Variants in MYOM1 observed in about 807,000 individuals in gnomAD.
The protein encoded by MYOM1 is myomesin-1.
In MYOM1, 164 loss-of-function variants were observed where a neutral mutation model predicts 205.3. The ratio of observed to expected loss-of-function variants is 0.80; its 90% CI spans 0.70 to 0.91. The LOEUF is 0.91. MYOM1 is among the 40% of genes least tolerant of loss of function. The pLI is 0.00. For synonymous variants in MYOM1, 772 were observed against 789.4 expected, an observed-to-expected ratio of 0.98 and a Z score of 0.37; for missense variants, 2,011 against 2,127.3, an observed-to-expected ratio of 0.95 and a Z score of 1.08.
chr18:3,123,560 A>T (rs1426758419), intron 19 of MYOM1, among the ~76,000 whole-genome samples: 9 of 152,044 alleles, frequency 5.9e-5, no homozygotes, highest in Non-Finnish European at 1.3e-4. Flanking sequence ...ATTATTCCTT[A>T]ATTTTTTTAC....
chr18:3,211,528 A>C (rs550497240), intron 2 of MYOM1, among the ~76,000 whole-genome samples: 5 of 152,374 alleles, frequency 3.3e-5, no homozygotes, highest in African/African-American at 9.6e-5. Context: ...TAATGGTTGC[A>C]ACATGGTCAT....
At chr18:3,236,479 T>C in the MYOM1 span, 1 of 152,102 alleles carries the variant, frequency 6.6e-6, no homozygotes, top group East Asian at 1.9e-4. Flanking sequence ...AGACAGAAAA[T>C]CCTACCAGAA....
the MYOM1 span, among the ~76,000 whole-genome samples, chr18:3,238,652 T>C: frequency 3.2e-4 from 48 of 152,178 alleles, no homozygotes; most frequent in Admixed American, 2.0e-4. Context: ...ACAAATTTAG[T>C]GGCTTAAAAC....
At chr18:3,238,195 A>C in the MYOM1 span, among the ~76,000 whole-genome samples, 3 of 152,218 alleles carry the variant, frequency 2.0e-5, no homozygotes, top group Non-Finnish European at 4.4e-5. Context: ...ATCAGGCATT[A>C]GATTCTCAAA....
At chr18:3,089,803 T>C (rs1179894818) in intron 27 of MYOM1, among the ~76,000 whole-genome samples, 1 of 152,170 alleles carries the variant, frequency 6.6e-6, no homozygotes. Flanking sequence ...AACAGTGACA[T>C]AATATTGGAT....
intron 3 of MYOM1, among the ~76,000 whole-genome samples, chr18:3,192,459 A>T (rs2080924528): frequency 6.6e-6 from 1 of 152,246 alleles, no homozygotes; most frequent in Non-Finnish European, 1.5e-5. Context: ...CTCTGACACA[A>T]GTCAGAAAGG....
chr18:3,241,093 A>T, the MYOM1 span, among the ~76,000 whole-genome samples: 1 of 152,178 alleles, frequency 6.6e-6, no homozygotes, highest in South Asian at 2.1e-4. Context: ...AAGTCTGGAA[A>T]ATTTGCAGCC....
chr18:3,195,406 TG>T (rs2080981573), intron 2 of MYOM1, among the ~76,000 whole-genome samples: 1 of 152,208 alleles, frequency 6.6e-6, no homozygotes, highest in Non-Finnish European at 1.5e-5. Context: ...CCAGCTGTCC[TG>T]GGCAGCAGCA....
In MYOM1 at chr18:3,075,777, GAA is replaced by G. The variant is rs752064016; in HGVS notation, c.4649-18_4649-17del. On this transcript the variant is annotated splice_polypyrimidine_tract_variant and intron_variant, in intron 34 of 37. Coordinates refer to ENST00000356443, the MANE Select transcript of MYOM1 (RefSeq NM_003803.4). Reference sequence around the variant, plus strand: ...TCATCGTATGCTTTAAAAGAAAAAAGAAAAGTTAGAATTTTCTCACCCAGAAT... The same window carrying G: ...TCATCGTATGCTTTAAAAGAAAAAAGAAGTTAGAATTTTCTCACCCAGAAT... The G allele has an allele frequency of 6.4e-7, 1 of 1,568,298 alleles. No individual in the cohort carries two copies. Among genetic ancestry groups the G allele is most frequent in the East Asian group, 2.3e-5 (1 of 42,662 alleles).
chr18:3,167,441 T>C (rs1285895255), intron 9 of MYOM1, among the ~76,000 whole-genome samples: 1 of 152,252 alleles, frequency 6.6e-6, no homozygotes, highest in Non-Finnish European at 1.5e-5. Context: ...TGGAGTGCAA[T>C]GGCGCAATCT....
chr18:3,158,663 G>T (rs1221697908), intron 10 of MYOM1, among the ~76,000 whole-genome samples: 2 of 151,976 alleles, frequency 1.3e-5, no homozygotes, highest in Non-Finnish European at 2.9e-5. Flanking sequence ...GCCCAGGCTG[G>T]AGTGCAGTGA....
chr18:3,116,627 CA>C, intron 20 of MYOM1, 112 bp from the exon 21 acceptor site: 1 of 960,654 alleles, frequency 1.0e-6, no homozygotes, highest in South Asian at 2.5e-5. Context: ...GTTCTTTTTT[CA>C]AAATCTAGCT....
rs1376572746 is a variant in MYOM1, at chr18:3,079,188, A to G, written c.4639T>C (p.Ser1547Pro). The change falls in exon 34 of 38, where the codon TCT becomes CCT. Residue 1547 changes from serine (S) to proline (P), a missense_variant. Ser to Pro is a moderately conservative substitution (Grantham distance 74). Transcript: ENST00000356443. ...CAAAATATCTGTTTACCTTGTCCAG[A>G]GAGATCCACTGTCTTCTGATGTCCA... ...KTGHQKTVDLSGQAYDEAYAE... is the reference protein window; with the variant it reads ...KTGHQKTVDLPGQAYDEAYAE... 1.2e-6 allele frequency: 2 copies of G among 1,613,662 alleles called. No homozygotes were observed. Among genetic ancestry groups the G allele is most frequent in the African/African-American group, 2.7e-5 (2 of 74,900 alleles).
intron 2 of MYOM1, among the ~76,000 whole-genome samples, chr18:3,202,927 A>G (rs2081085348): frequency 6.6e-6 from 1 of 152,024 alleles, no homozygotes; most frequent in Admixed American, 6.6e-5. Flanking sequence ...AATTTAAAAG[A>G]GCTAGAATCA....
intron 19 of MYOM1, among the ~76,000 whole-genome samples, chr18:3,123,679 T>G (rs78192102): frequency 0.1 from 15,229 of 150,984 alleles, 896 homozygotes; most frequent in East Asian, 0.19. Context: ...TATTACTATT[T>G]TTTTTTTTTT....
chr18:3,151,675 A>C lies in MYOM1; in HGVS notation c.1843+19T>G. ...TTAAAAAGGTTTAGGGAAGGTCCTG[A>C]AAAATGAAAAGTGCTTACTTTTAAG... On this transcript the variant is annotated intron_variant, in intron 12 of 37. Transcript: ENST00000356443. 1 of 1,601,622 alleles carries C rather than the reference A, an allele frequency of 6.2e-7. No homozygotes were observed. Among genetic ancestry groups the C allele is most frequent in the Non-Finnish European group, 8.5e-7 (1 of 1,172,940 alleles).
intron 1 of MYOM1, among the ~76,000 whole-genome samples, chr18:3,218,701 C>A (rs1019124744): frequency 6.6e-6 from 1 of 152,160 alleles, no homozygotes; most frequent in Non-Finnish European, 1.5e-5. Flanking sequence ...TACATTGTAA[C>A]ATGGCACATG....
intron 5 of MYOM1, among the ~76,000 whole-genome samples, chr18:3,186,813 AAAGAAAG>A (rs1163852674): frequency 1.3e-5 from 2 of 150,306 alleles, no homozygotes; most frequent in African/African-American, 2.5e-5. Context: ...AGAAAGAAAG[AAAGAAAG>A]AAAGAGAAAG....
intron 10 of MYOM1, among the ~76,000 whole-genome samples, chr18:3,155,937 A>G (rs1171177052): frequency 6.6e-6 from 1 of 152,212 alleles, no homozygotes; most frequent in Non-Finnish European, 1.5e-5. Context: ...AAAGAACTCC[A>G]ATGCAATACT....
Sources: allele counts gnomAD v4.1 joint callset (sites outside exome capture counted in the v4.1 genomes callset), GRCh38; gene constraint gnomAD v4.1.1; transcripts MANE v1.5; gene names NCBI Gene and HGNC (gene_info 2026-07-23, HGNC 2026-07-21).